The following DUSP16 variants were observed in gnomAD, a reference collection of about 807,000 sequenced individuals.
DUSP16 encodes dual specificity phosphatase 16, also known as dual specificity protein phosphatase 16.
DUSP16 carries 21 observed loss-of-function variants against 58.3 expected under a neutral mutation model. That is an observed-to-expected ratio of 0.36 (90% confidence interval 0.26 to 0.52). The LOEUF is 0.52. Among genes scored for constraint, DUSP16 ranks in the 20% least tolerant of loss-of-function variants. The pLI is 0.94. For missense variants in DUSP16, 726 were observed against 819.0 expected (o/e 0.89, Z 1.39); for synonymous variants, 320 against 323.8 (o/e 0.99, Z 0.12).
chr12:12,522,686 C>G (rs551605933), intron 1 of DUSP16, among the ~76,000 whole-genome samples: 2 of 152,170 alleles, frequency 1.3e-5, no homozygotes, highest in East Asian at 3.9e-4. Flanking sequence ...GCCTCAGCCT[C>G]CCAAGTTGCT....
chr12:12,479,737 C>T (rs1019872404), intron 6 of DUSP16, among the ~76,000 whole-genome samples: 3 of 152,056 alleles, frequency 2.0e-5, no homozygotes, highest in Admixed American at 1.3e-4. Flanking sequence ...ACAATCTGGC[C>T]GACTCTAGAA....
At chr12:12,504,180 TAAC>T (rs1943951071) in intron 3 of DUSP16, among the ~76,000 whole-genome samples, 1 of 152,230 alleles carries the variant, frequency 6.6e-6, no homozygotes, top group African/African-American at 2.4e-5. Context: ...CTACCCAACC[TAAC>T]AACTGTCAGG....
intron 1 of DUSP16, among the ~76,000 whole-genome samples, chr12:12,550,755 A>G (rs1437430816): frequency 6.6e-6 from 1 of 152,096 alleles, no homozygotes; most frequent in Non-Finnish European, 1.5e-5. Flanking sequence ...TTGGGAGGAT[A>G]GAGGAGGGAT....
chr12:12,493,214 C>T (rs1943785270), intron 4 of DUSP16, among the ~76,000 whole-genome samples: 1 of 152,182 alleles, frequency 6.6e-6, no homozygotes, highest in Non-Finnish European at 1.5e-5. Flanking sequence ...TCCTGCCCTT[C>T]CTACAGACTC....
chr12:12,562,611 GAA>G lies in DUSP16; in HGVS notation c.-862_-861del, dbSNP rs1944925010. Among the ~76,000 whole-genome samples, 1 of 152,140 alleles carries G rather than the reference GAA, an allele frequency of 6.6e-6. No individual in the cohort carries two copies. The highest frequency in any genetic ancestry group is 2.1e-4 in the South Asian group (1 of 4,824). ...GGAAAGAGAAAGAGTCGCTGGTCAGGAAACTTCAAGCGCGGATGAGGTCATTG... is the reference window on the plus strand; with the variant it reads ...GGAAAGAGAAAGAGTCGCTGGTCAGGACTTCAAGCGCGGATGAGGTCATTG... On this transcript the variant is annotated 5_prime_UTR_variant, in exon 1 of 7. The change abolishes the stop of an existing upstream ORF in the 5' untranslated region. Coordinates refer to ENST00000298573, the MANE Select transcript of DUSP16 (RefSeq NM_030640.3).
chr12:12,516,082 G>A (rs1944148158), intron 3 of DUSP16, among the ~76,000 whole-genome samples: 1 of 150,168 alleles, frequency 6.7e-6, no homozygotes, highest in African/African-American at 2.5e-5. Flanking sequence ...GGGCAGTAAT[G>A]GAGAACTTTC....
intron 3 of DUSP16, among the ~76,000 whole-genome samples, chr12:12,502,329 C>T (rs1001913546): frequency 1.3e-5 from 2 of 152,324 alleles, no homozygotes; most frequent in Middle Eastern, 3.4e-3. Flanking sequence ...AGGCAGTTGA[C>T]AACTATGCCA....
chr12:12,553,584 C>T (rs1179046528), intron 1 of DUSP16, among the ~76,000 whole-genome samples: 1 of 152,138 alleles, frequency 6.6e-6, no homozygotes, highest in African/African-American at 2.4e-5. Flanking sequence ...ACTCTGTTGC[C>T]CAGGCTGGAG....
intron 1 of DUSP16, among the ~76,000 whole-genome samples, chr12:12,555,531 A>G (rs1592216323): frequency 6.6e-6 from 1 of 152,346 alleles, no homozygotes; most frequent in East Asian, 1.9e-4. Context: ...ATCTTTCCCC[A>G]TTTATTTTAA....
intron 1 of DUSP16, among the ~76,000 whole-genome samples, chr12:12,524,111 G>A (rs959718148): frequency 3.3e-5 from 5 of 152,202 alleles, no homozygotes; most frequent in African/African-American, 1.2e-4. Flanking sequence ...CTTCCCCTCA[G>A]CCAATTCTCA....
Position 12,474,826 on chromosome 12 carries a change from T to C in DUSP16, c.*2007A>G, listed in dbSNP as rs1294412716. On this transcript the variant is annotated 3_prime_UTR_variant, in exon 7 of 7. Coordinates refer to ENST00000298573, the MANE Select transcript of DUSP16 (RefSeq NM_030640.3). ...TCTGGAAGTGGTGAACTGTTACACATTTGGTGTGTGTGTACATAACATCAA... is the reference window on the plus strand; with the variant it reads ...TCTGGAAGTGGTGAACTGTTACACACTTGGTGTGTGTGTACATAACATCAA... 2 of 152,222 alleles carry C rather than the reference T, an allele frequency of 1.3e-5. No homozygotes were observed. The highest frequency in any genetic ancestry group is 4.8e-5 in the African/African-American group (2 of 41,436). The allele number at this position is 152,222 out of a possible 1,614,324, so 9.4% of individuals were successfully genotyped here.
chr12:12,523,510 A>G (rs1176562950), intron 1 of DUSP16, among the ~76,000 whole-genome samples: 1 of 152,150 alleles, frequency 6.6e-6, no homozygotes. Flanking sequence ...ACCACACCAT[A>G]TTTTACAAAC....
intron 3 of DUSP16, among the ~76,000 whole-genome samples, chr12:12,502,717 AATTTTGT>A (rs1943927591): frequency 6.6e-6 from 1 of 151,814 alleles, no homozygotes; most frequent in South Asian, 2.1e-4. Flanking sequence ...ACCCTCGGCT[AATTTTGT>A]ATTTTTAGTA....
intron 3 of DUSP16, among the ~76,000 whole-genome samples, chr12:12,505,042 T>C (rs1943972250): frequency 6.6e-6 from 1 of 152,252 alleles, no homozygotes. Context: ...ACTTACTGCG[T>C]GACAAACATT....
chr12:12,524,277 G>A (rs1037512380), intron 1 of DUSP16, among the ~76,000 whole-genome samples: 1 of 152,214 alleles, frequency 6.6e-6, no homozygotes, highest in African/African-American at 2.4e-5. Flanking sequence ...TGTAAGTGAA[G>A]CATAGGGGTA....
rs773210818 is a variant in DUSP16, at chr12:12,476,870, C to T, written c.1961G>A (p.Ser654Asn). ...AATGATTTCCATGCTGCCCGAAAAG[C>T]TAGACTGACTGCCCACTTTCCCCAG... The part of the protein sequence containing the change: ...EELGKVGSQS[S>N]FSGSMEIIEV... Residue 654 changes from serine to asparagine, a missense_variant, in exon 7 of 7, where the codon AGC (serine) becomes AAC (asparagine). Coordinates refer to ENST00000298573, the MANE Select transcript of DUSP16 (RefSeq NM_030640.3). The T allele has an allele frequency of 4.3e-6, 7 of 1,611,802 alleles. No individual in the cohort carries two copies. The highest frequency in any genetic ancestry group is 5.9e-6 in the Non-Finnish European group (7 of 1,179,792).
chr12:12,494,452 T>C (rs1943802163), intron 4 of DUSP16, among the ~76,000 whole-genome samples: 1 of 152,186 alleles, frequency 6.6e-6, no homozygotes, highest in Admixed American at 6.5e-5. Flanking sequence ...TACTAGCAAC[T>C]GTAAGACAGT....
At chr12:12,560,177 A>G (rs1424058070) in intron 1 of DUSP16, among the ~76,000 whole-genome samples, 1 of 152,152 alleles carries the variant, frequency 6.6e-6, no homozygotes, top group East Asian at 1.9e-4. Context: ...TTGGCACTAT[A>G]ATCAAGCCAA....
chr12:12,508,471 T>C (rs1403135782), intron 3 of DUSP16, among the ~76,000 whole-genome samples: 4 of 152,160 alleles, frequency 2.6e-5, no homozygotes, highest in Non-Finnish European at 4.4e-5. Context: ...GTAGAGAGCA[T>C]AGCATTTTTT....
Sources: allele counts gnomAD v4.1 joint callset (sites outside exome capture counted in the v4.1 genomes callset), GRCh38; gene constraint gnomAD v4.1.1; transcripts MANE v1.5; gene names NCBI Gene and HGNC (gene_info 2026-07-23, HGNC 2026-07-21).